SAMD5: variants seen among roughly 807,000 people sequenced by gnomAD.
The protein encoded by SAMD5 is sterile alpha motif domain-containing protein 5.
A neutral mutation model predicts 11.3 loss-of-function variants in SAMD5; 13 were observed. The ratio of observed to expected loss-of-function variants is 1.15; its 90% CI spans 0.75 to 1.83. SAMD5 has a LOEUF of 1.83. SAMD5 is among the 40% of genes most tolerant of loss of function. SAMD5 has a pLI of 0.00. For missense variants in SAMD5, 255 were observed against 239.1 expected (o/e 1.07, Z -0.44); for synonymous variants, 129 against 111.3 (o/e 1.16, Z -1.00).
intron 1 of SAMD5, among the ~76,000 whole-genome samples, chr6:147,534,675 C>T (rs1361567237): frequency 2.0e-5 from 3 of 151,994 alleles, no homozygotes; most frequent in Non-Finnish European, 4.4e-5. Flanking sequence ...GGGTGGGGGC[C>T]GCAAGATCAG....
chr6:147,889,422 A>G, the SAMD5 span, among the ~76,000 whole-genome samples: 2 of 152,092 alleles, frequency 1.3e-5, no homozygotes, highest in African/African-American at 4.8e-5. Flanking sequence ...AACTGCCTCA[A>G]TTTCCTTGTT....
chr6:147,751,727 G>C, the SAMD5 span, among the ~76,000 whole-genome samples: 1 of 152,164 alleles, frequency 6.6e-6, no homozygotes. Flanking sequence ...CTTGTACTAG[G>C]TGCAAAAGAG....
chr6:147,865,523 T>C, the SAMD5 span, among the ~76,000 whole-genome samples: 1 of 152,168 alleles, frequency 6.6e-6, no homozygotes. Context: ...CCAATAGTAA[T>C]TTAGCAGCTT....
At chr6:147,634,693 A>G (rs1790199317) in intron 1 of SAMD5, among the ~76,000 whole-genome samples, 1 of 152,212 alleles carries the variant, frequency 6.6e-6, no homozygotes, top group Non-Finnish European at 1.5e-5. Context: ...ACCCCCTACT[A>G]AGCTTTTATT....
the SAMD5 span, among the ~76,000 whole-genome samples, chr6:147,814,739 A>G: frequency 1.3e-5 from 2 of 152,252 alleles, no homozygotes; most frequent in Non-Finnish European, 2.9e-5. Flanking sequence ...TTGCATGCCT[A>G]AAATGATTTG....
chr6:147,882,347 TGTTA>T, the SAMD5 span, among the ~76,000 whole-genome samples: 1 of 152,220 alleles, frequency 6.6e-6, no homozygotes. Flanking sequence ...TTAGGAACTT[TGTTA>T]GTTGTAAACA....
intron 1 of SAMD5, among the ~76,000 whole-genome samples, chr6:147,553,268 G>A (rs140805931): frequency 6.6e-6 from 1 of 152,278 alleles, no homozygotes; most frequent in Non-Finnish European, 1.5e-5. Flanking sequence ...TCCAGGAAAT[G>A]GCAGAGCTGG....
chr6:147,886,973 A>G, the SAMD5 span, among the ~76,000 whole-genome samples: 1 of 152,200 alleles, frequency 6.6e-6, no homozygotes, highest in African/African-American at 2.4e-5. Context: ...CCTAGCTGAC[A>G]TCTTGATTGC....
the SAMD5 span, among the ~76,000 whole-genome samples, chr6:147,785,544 A>G: frequency 6.6e-6 from 1 of 152,196 alleles, no homozygotes; most frequent in Non-Finnish European, 1.5e-5. Flanking sequence ...CCAGGCATGA[A>G]TCTTCTGGGC....
the SAMD5 span, among the ~76,000 whole-genome samples, chr6:147,803,473 C>T: frequency 3.3e-5 from 5 of 152,272 alleles, no homozygotes; most frequent in East Asian, 5.8e-4. Flanking sequence ...ATTCTAAAAT[C>T]CTAATATGAT....
At chr6:147,537,821 A>G (rs73580687) in intron 1 of SAMD5, among the ~76,000 whole-genome samples, 5,387 of 152,120 alleles carry the variant, frequency 0.035, 307 homozygotes, top group African/African-American at 0.12. Context: ...ACAGGACCCA[A>G]TAGAGATAGC....
In SAMD5 at chr6:147,656,899, C is replaced by CGTGTGTGTGTGTGT. The variant is rs55906300; in HGVS notation, c.163-80397_163-80384dup. ...GATAAACCTCCAACAATACAGTATA[C>CGTGTGTGTGTGTGT]GTGTGTGTGTGTGTGTGTGTGTGTG... On this transcript the variant is annotated intron_variant, in intron 1 of 1. Coordinates refer to the SAMD5 transcript ENST00000566741. Among the ~76,000 whole-genome samples, 1,171 of 149,158 alleles carry CGTGTGTGTGTGTGT rather than the reference C, an allele frequency of 7.9e-3. 8 individuals carry two copies. The highest frequency in any genetic ancestry group is 0.014 in the Middle Eastern group (4 of 292).
At chr6:147,828,439 T>C in the SAMD5 span, among the ~76,000 whole-genome samples, 2 of 152,184 alleles carry the variant, frequency 1.3e-5, no homozygotes, top group African/African-American at 4.8e-5. Context: ...TAATTAACAT[T>C]TGAGTCAGTG....
At chr6:147,616,661 C>T (rs1358860336) in intron 1 of SAMD5, among the ~76,000 whole-genome samples, 1 of 152,070 alleles carries the variant, frequency 6.6e-6, no homozygotes, top group African/African-American at 2.4e-5. Flanking sequence ...TAAAGAAATA[C>T]CCGAGACTGA....
At chr6:147,777,032 A>G in the SAMD5 span, among the ~76,000 whole-genome samples, 1 of 152,192 alleles carries the variant, frequency 6.6e-6, no homozygotes. Flanking sequence ...ATTAGTTTCC[A>G]TCAGCACCCT....
the SAMD5 span, among the ~76,000 whole-genome samples, chr6:147,933,858 C>T: frequency 6.6e-6 from 1 of 152,218 alleles, no homozygotes; most frequent in African/African-American, 2.4e-5. Context: ...TCAAAAGGTA[C>T]CAGATTATGT....
In SAMD5 at chr6:147,637,428, A is replaced by G. The variant is rs139329237; in HGVS notation, c.163-99889A>G. On this transcript the variant is annotated intron_variant, in intron 1 of 1. Transcript: ENST00000566741. ...AAAGTGGAGCTGATAATACCTATTC[A>G]TCACCCTCAGGGTTAAGGATGGAAT... Among the ~76,000 whole-genome samples, 110 of 152,330 alleles carry G rather than the reference A, an allele frequency of 7.2e-4. 1 individual carries two copies. Among genetic ancestry groups the G allele is most frequent in the African/African-American group, 2.3e-3 (94 of 41,582 alleles).
At chr6:147,625,949 G>A (rs1410719223) in intron 1 of SAMD5, among the ~76,000 whole-genome samples, 3 of 152,080 alleles carry the variant, frequency 2.0e-5, no homozygotes, top group African/African-American at 2.4e-5. Flanking sequence ...TGACAATCCC[G>A]TTCATGCTTC....
chr6:147,953,818 T>A, the SAMD5 span: 1 of 152,244 alleles, frequency 6.6e-6, no homozygotes, highest in Non-Finnish European at 1.5e-5. Context: ...CACCCAAGTT[T>A]AAGTGCAGTA....
Sources: gnomAD v4.1 joint callset for allele counts (sites outside exome capture counted in the v4.1 genomes callset) on GRCh38, gnomAD v4.1.1 for gene constraint, MANE v1.5 for transcripts, NCBI Gene and HGNC (gene_info 2026-07-23, HGNC 2026-07-21) for gene names.